The following CCDC178 variants were observed in gnomAD, a reference collection of about 807,000 sequenced individuals.
The protein encoded by CCDC178 is coiled-coil domain-containing protein 178.
CCDC178 carries 126 observed loss-of-function variants against 117.4 expected under a neutral mutation model. That is an observed-to-expected ratio of 1.07 (90% CI 0.93 to 1.24). The LOEUF is 1.24. Ranked by LOEUF, CCDC178 falls within the 50% of genes most tolerant of loss-of-function variation. CCDC178 has a pLI of 0.00. For synonymous variants in CCDC178, 283 were observed against 313.4 expected, an observed-to-expected ratio of 0.90 and a Z score of 1.02; for missense variants, 1,030 against 986.9, an observed-to-expected ratio of 1.04 and a Z score of -0.59.
At chr18:33,386,638 T>C (rs929245181) in intron 5 of CCDC178, among the ~76,000 whole-genome samples, 1 of 152,178 alleles carries the variant, frequency 6.6e-6, no homozygotes, top group Non-Finnish European at 1.5e-5. Flanking sequence ...TCTCAATAGA[T>C]GCAGAAAAGG....
intron 11 of CCDC178, among the ~76,000 whole-genome samples, chr18:33,315,966 A>G (rs973086966): frequency 2.6e-5 from 4 of 152,342 alleles, no homozygotes; most frequent in African/African-American, 7.2e-5. Context: ...CCATATATAC[A>G]AGCATTGTAC....
intron 21 of CCDC178, among the ~76,000 whole-genome samples, chr18:33,058,736 T>G (rs1263443085): frequency 6.6e-6 from 1 of 152,178 alleles, no homozygotes; most frequent in Non-Finnish European, 1.5e-5. Context: ...TTCTTTCATA[T>G]TCAGGTTTTT....
At chr18:33,032,875 G>A (rs1250303976) in intron 21 of CCDC178, among the ~76,000 whole-genome samples, 2 of 151,942 alleles carry the variant, frequency 1.3e-5, no homozygotes, top group African/African-American at 4.8e-5. Context: ...CTTAATTAAG[G>A]CTTCCACATC....
intron 10 of CCDC178, among the ~76,000 whole-genome samples, chr18:33,324,573 T>TTTCCAGCA (rs1469174999): frequency 1.3e-5 from 2 of 151,946 alleles, no homozygotes; most frequent in Non-Finnish European, 2.9e-5. Context: ...TCCAAAACTC[T>TTTCCAGCA]TTCCAGCATT....
At chr18:32,938,299 C>A in intron 22 of CCDC178, 1 of 486,312 alleles carries the variant, frequency 2.1e-6, no homozygotes. Context: ...AAATTAAAGT[C>A]CAACTAACTT....
intron 12 of CCDC178, among the ~76,000 whole-genome samples, chr18:33,292,703 G>T (rs1283897589): frequency 5.9e-5 from 9 of 151,992 alleles, no homozygotes; most frequent in Admixed American, 5.9e-4. Context: ...CAATTATTAT[G>T]TGTCAATTGA....
chr18:33,010,596 T>C (rs747336145), intron 21 of CCDC178, among the ~76,000 whole-genome samples: 1 of 152,158 alleles, frequency 6.6e-6, no homozygotes, highest in Non-Finnish European at 1.5e-5. Flanking sequence ...AACAGTAATA[T>C]AGAAGAAATT....
At chr18:32,955,712 C>G (rs554362600) in intron 22 of CCDC178, among the ~76,000 whole-genome samples, 1 of 152,216 alleles carries the variant, frequency 6.6e-6, no homozygotes, top group South Asian at 2.1e-4. Context: ...CTGTGTATAA[C>G]TTGGTAAACT....
chr18:33,070,780 A>G (rs955026725), intron 21 of CCDC178, among the ~76,000 whole-genome samples: 9 of 152,098 alleles, frequency 5.9e-5, no homozygotes, highest in Non-Finnish European at 1.3e-4. Context: ...TGTACCCCAT[A>G]AATATGTGGA....
At chr18:33,434,408 T>A (rs971361850) in intron 2 of CCDC178, among the ~76,000 whole-genome samples, 1 of 152,154 alleles carries the variant, frequency 6.6e-6, no homozygotes. Flanking sequence ...TACTATATAT[T>A]TGGACCCTAC....
chr18:33,076,187 C>G (rs1375494994), intron 21 of CCDC178, among the ~76,000 whole-genome samples: 1 of 152,190 alleles, frequency 6.6e-6, no homozygotes, highest in Non-Finnish European at 1.5e-5. Context: ...CCACGCCTTG[C>G]TCACACACAG....
At chr18:32,949,927 G>T (rs960569695) in intron 22 of CCDC178, among the ~76,000 whole-genome samples, 3 of 152,036 alleles carry the variant, frequency 2.0e-5, no homozygotes, top group Non-Finnish European at 4.4e-5. Flanking sequence ...TTTGTTAGGT[G>T]GGAATAGAAT....
intron 21 of CCDC178, among the ~76,000 whole-genome samples, chr18:33,059,555 TG>T (rs1339413757): frequency 6.6e-6 from 1 of 152,182 alleles, no homozygotes; most frequent in Non-Finnish European, 1.5e-5. Flanking sequence ...ACAAATATGG[TG>T]AGTGAGTGCC....
chr18:33,325,065 T>A (rs1266811803), intron 10 of CCDC178, among the ~76,000 whole-genome samples: 1 of 151,808 alleles, frequency 6.6e-6, no homozygotes, highest in Non-Finnish European at 1.5e-5. Flanking sequence ...TTTATTGTCC[T>A]ATTACATAGC....
chr18:33,124,433 C>T (rs1335699744), intron 20 of CCDC178, among the ~76,000 whole-genome samples: 1 of 152,154 alleles, frequency 6.6e-6, no homozygotes, highest in African/African-American at 2.4e-5. Flanking sequence ...GAGTTCTTTA[C>T]TTGTTATTTC....
At chr18:33,435,448 C>T (rs1180219665) in intron 2 of CCDC178, among the ~76,000 whole-genome samples, 1 of 151,932 alleles carries the variant, frequency 6.6e-6, no homozygotes, top group Non-Finnish European at 1.5e-5. Flanking sequence ...TTAATTTGTT[C>T]ATTCAAAAAA....
intron 20 of CCDC178, among the ~76,000 whole-genome samples, chr18:33,202,342 G>A (rs562569179): frequency 6.5e-4 from 83 of 127,960 alleles, no homozygotes; most frequent in African/African-American, 2.3e-3. Context: ...GCAGTGAGCC[G>A]AGATCGCGCC....
intron 11 of CCDC178, among the ~76,000 whole-genome samples, chr18:33,316,883 C>A (rs184780653): frequency 6.6e-6 from 1 of 151,928 alleles, no homozygotes; most frequent in African/African-American, 2.4e-5. Context: ...ATATACCAAT[C>A]GACACTCTGT....
At position 33,371,782 on chromosome 18, in the gene CCDC178, TATAC is replaced by T. The variant is rs1357671961; in HGVS notation, c.209-1597_209-1594del. ...CTTTCCTCTTTAGTTCATAAACATA[TATAC>T]ACACACACACACACACACACACACA... On this transcript the variant is annotated intron_variant, in intron 5 of 22. Coordinates refer to ENST00000383096, the MANE Select transcript of CCDC178 (RefSeq NM_001105528.4). 8.4e-3 allele frequency among the ~76,000 whole-genome samples: 453 copies of T among 53,610 alleles called. 2 individuals are homozygous for T. Among genetic ancestry groups the T allele is most frequent in the African/African-American group, 0.022 (430 of 19,716 alleles). The allele number at this position is 53,610 out of a possible 152,430, so 35.2% of individuals were successfully genotyped here.
Sources: gnomAD v4.1 joint callset for allele counts (sites outside exome capture counted in the v4.1 genomes callset) on GRCh38, gnomAD v4.1.1 for gene constraint, MANE v1.5 for transcripts, NCBI Gene and HGNC (gene_info 2026-07-23, HGNC 2026-07-21) for gene names.